The following IL1RAP variants were observed in gnomAD, a reference collection of about 807,000 sequenced individuals.
The protein encoded by IL1RAP is interleukin-1 receptor accessory protein.
A neutral mutation model predicts 60.7 loss-of-function variants in IL1RAP; 35 were observed. The ratio of observed to expected loss-of-function variants is 0.58; its 90% CI spans 0.44 to 0.76. IL1RAP has a LOEUF of 0.76. Among genes scored for constraint, IL1RAP ranks in the 30% least tolerant of loss-of-function variants. IL1RAP has a pLI of 0.00. For missense variants in IL1RAP, 572 were observed against 693.9 expected (o/e 0.82, Z 1.97); for synonymous variants, 268 against 250.9 (o/e 1.07, Z -0.64).
chr3:190,623,345 C>G lies in IL1RAP; in HGVS notation c.705C>G (p.Gly235=). The G allele has an allele frequency of 2.5e-6, 4 of 1,611,768 alleles. No individual in the cohort carries two copies. The highest frequency in any genetic ancestry group is 3.4e-6 in the Non-Finnish European group (4 of 1,178,088). The change falls in exon 7 of 12, where the codon GGC becomes GGG. Residue 235 remains glycine, a splice_region_variant and synonymous_variant. Transcript: ENST00000447382. Reference sequence around the variant, plus strand: ...CCTTTTTTATTTCCTCTAACACAGGCTCTCCAAAAAATGCAGTGCCCCCTG... The same window carrying G: ...CCTTTTTTATTTCCTCTAACACAGGGTCTCCAAAAAATGCAGTGCCCCCTG... ...LTRTLTVKVV[G]SPKNAVPPVI...
At chr3:190,528,017 T>C (rs1432452016) in intron 1 of IL1RAP, among the ~76,000 whole-genome samples, 1 of 151,998 alleles carries the variant, frequency 6.6e-6, no homozygotes, top group Non-Finnish European at 1.5e-5. Flanking sequence ...TTTCAATATA[T>C]ACCTTTCTTC....
intron 7 of IL1RAP, 59 bp downstream of exon 7, chr3:190,623,474 TG>T: frequency 7.9e-7 from 1 of 1,260,444 alleles, no homozygotes; most frequent in Non-Finnish European, 1.2e-6. Flanking sequence ...AGGAATAAAA[TG>T]TCATTTAAGT....
downstream of IL1RAP, among the ~76,000 whole-genome samples, chr3:190,653,446 A>G (rs1734491493): frequency 6.6e-6 from 1 of 152,238 alleles, no homozygotes; most frequent in South Asian, 2.1e-4. Context: ...CAATATTTGA[A>G]ACCACATTCG....
rs1014674791 is a variant in IL1RAP at position 190,648,783 on chromosome 3, A to T, written c.*78A>T. 6.6e-7 allele frequency: 1 copy of T among 1,504,314 alleles called. No homozygotes were observed. Among genetic ancestry groups the T allele is most frequent in the Non-Finnish European group, 8.9e-7 (1 of 1,129,238 alleles). The allele number at this position is 1,504,314 out of a possible 1,614,324, so 93.2% of individuals were successfully genotyped here. On this transcript the variant is annotated 3_prime_UTR_variant, in exon 12 of 12. Transcript: ENST00000447382. Reference sequence around the variant, plus strand: ...TCCCCCCAGTCTTCATTCGCAGTTTATGGTTTCATAGGCAAAAATAATGGT... The same window carrying T: ...TCCCCCCAGTCTTCATTCGCAGTTTTTGGTTTCATAGGCAAAAATAATGGT...
At chr3:190,594,426 G>A (rs1422407051) in intron 3 of IL1RAP, among the ~76,000 whole-genome samples, 1 of 152,190 alleles carries the variant, frequency 6.6e-6, no homozygotes. Context: ...CGTTCATTAT[G>A]TAGCGCCAGC....
chr3:190,621,049 G>A (rs1296993046), intron 6 of IL1RAP, among the ~76,000 whole-genome samples: 1 of 152,200 alleles, frequency 6.6e-6, no homozygotes, highest in Non-Finnish European at 1.5e-5. Flanking sequence ...CAAACTCCTA[G>A]CAAACCCAGA....
intron 1 of IL1RAP, among the ~76,000 whole-genome samples, chr3:190,521,738 T>TCTG (rs59443963): frequency 0.29 from 43,744 of 151,604 alleles, 6,525 homozygotes; most frequent in Middle Eastern, 0.41. Context: ...TACAGATCAT[T>TCTG]CCCCATCTGC....
At chr3:190,603,559 A>G (rs1730037447) in intron 3 of IL1RAP, among the ~76,000 whole-genome samples, 1 of 152,232 alleles carries the variant, frequency 6.6e-6, no homozygotes, top group East Asian at 1.9e-4. Context: ...AATGTAAAAT[A>G]GCTCATTTTT....
intron 1 of IL1RAP, among the ~76,000 whole-genome samples, chr3:190,532,846 G>A (rs192022348): frequency 5.9e-5 from 9 of 152,264 alleles, no homozygotes; most frequent in East Asian, 1.9e-4. Context: ...GCCCATTTGC[G>A]TTTCTGGCCT....
chr3:190,581,237 G>C (rs181952976), intron 3 of IL1RAP, among the ~76,000 whole-genome samples: 1 of 152,176 alleles, frequency 6.6e-6, no homozygotes, highest in Non-Finnish European at 1.5e-5. Flanking sequence ...CCTGGTTTCC[G>C]TATGACTCTC....
chr3:190,600,031 CT>C (rs573964731), intron 3 of IL1RAP, among the ~76,000 whole-genome samples: 8 of 148,930 alleles, frequency 5.4e-5, no homozygotes, highest in East Asian at 2.0e-4. Flanking sequence ...GTTCCTTTTA[CT>C]TTTTTTTTTC....
chr3:190,623,524 T>G (rs369208829), intron 7 of IL1RAP, 109 bp downstream of exon 7: 13 of 831,956 alleles, frequency 1.6e-5, no homozygotes, highest in African/African-American at 1.4e-4. Context: ...GAGAAACACA[T>G]GAATTGAAAC....
In IL1RAP at chr3:190,650,288, A is replaced by C. The variant is rs1460845793; in HGVS notation, c.*1583A>C. On this transcript the variant is annotated 3_prime_UTR_variant, in exon 12 of 12. Coordinates refer to ENST00000447382, the MANE Select transcript of IL1RAP (RefSeq NM_002182.4). ...TTCCCTAAGTTTATATAAATAACTT[A>C]AGTATTGCTACAGTTTATCTAGGTT... 1.0e-6 allele frequency: 1 copy of C among 985,126 alleles called. No homozygotes were observed. The highest frequency in any genetic ancestry group is 1.7e-5 in the African/African-American group (1 of 57,246). The allele number at this position is 985,126 out of a possible 1,614,324, so 61.0% of individuals were successfully genotyped here. A position where few individuals can be genotyped will look rare whatever the true frequency, so the allele number is the denominator to read the frequency against.
chr3:190,546,946 C>T (rs1216680419), intron 1 of IL1RAP, among the ~76,000 whole-genome samples: 1 of 152,156 alleles, frequency 6.6e-6, no homozygotes, highest in African/African-American at 2.4e-5. Context: ...ACAAAATGCC[C>T]CCCTTGTCCT....
intron 1 of IL1RAP, among the ~76,000 whole-genome samples, chr3:190,538,725 C>A (rs1345534439): frequency 6.6e-6 from 1 of 152,048 alleles, no homozygotes; most frequent in Non-Finnish European, 1.5e-5. Context: ...TCTTGTAGTT[C>A]CCATAATCCC....
At chr3:190,653,880 A>C (rs181476720), downstream of IL1RAP, among the ~76,000 whole-genome samples, 53 of 152,308 alleles carry the variant, frequency 3.5e-4, no homozygotes, top group South Asian at 8.1e-3. Flanking sequence ...TAAAGCATGC[A>C]ACTCCCTTTA....
At chr3:190,530,721 A>T (rs1367054498) in intron 1 of IL1RAP, among the ~76,000 whole-genome samples, 2 of 152,174 alleles carry the variant, frequency 1.3e-5, no homozygotes, top group Non-Finnish European at 2.9e-5. Flanking sequence ...GAGAGGAGAG[A>T]TCCTATAAAA....
intron 3 of IL1RAP, among the ~76,000 whole-genome samples, chr3:190,586,475 C>A (rs776461770): frequency 3.4e-4 from 51 of 152,176 alleles, no homozygotes; most frequent in Non-Finnish European, 4.4e-4. Context: ...CTGATGTGTT[C>A]TAAGCAAAGA....
At chr3:190,577,895 G>T (rs1410749729) in intron 3 of IL1RAP, among the ~76,000 whole-genome samples, 1 of 152,020 alleles carries the variant, frequency 6.6e-6, no homozygotes, top group Non-Finnish European at 1.5e-5. Context: ...ATTATGTTTG[G>T]GTTTATTTCT....
Sources: gnomAD v4.1 joint callset for allele counts (sites outside exome capture counted in the v4.1 genomes callset) on GRCh38, gnomAD v4.1.1 for gene constraint, MANE v1.5 for transcripts, NCBI Gene and HGNC (gene_info 2026-07-23, HGNC 2026-07-21) for gene names.